Variants in EPHA3 observed in about 807,000 individuals in gnomAD.
The protein encoded by EPHA3 is EPH receptor A3.
EPHA3 carries 42 observed loss-of-function variants against 107.1 expected under a neutral mutation model. The observed-to-expected ratio is 0.39, with a 90% CI of 0.31 to 0.51. EPHA3 has a LOEUF of 0.51. Ranked by LOEUF, EPHA3 falls within the 20% of genes least tolerant of loss-of-function variation. The pLI is 0.78. For missense variants in EPHA3, 1,183 were observed against 1,211.2 expected, an observed-to-expected ratio of 0.98 and a Z score of 0.35; for synonymous variants, 461 against 424.8, an observed-to-expected ratio of 1.09 and a Z score of -1.05.
At chr3:89,327,607 C>T (rs1481800861) in intron 3 of EPHA3, among the ~76,000 whole-genome samples, 2 of 152,064 alleles carry the variant, frequency 1.3e-5, no homozygotes, top group African/African-American at 4.8e-5. Context: ...TTTGTAAATA[C>T]TTTATTTAAT....
At chr3:89,276,031 C>T (rs1255606678) in intron 3 of EPHA3, among the ~76,000 whole-genome samples, 2 of 151,830 alleles carry the variant, frequency 1.3e-5, no homozygotes, top group African/African-American at 2.4e-5. Flanking sequence ...AGGCATAGTA[C>T]GGGGGAGAAA....
At chr3:89,196,515 T>C (rs1284178316) in intron 2 of EPHA3, among the ~76,000 whole-genome samples, 2 of 148,132 alleles carry the variant, frequency 1.4e-5, no homozygotes, top group Non-Finnish European at 2.9e-5. Context: ...TAAATATGTG[T>C]TGAGTTAGTC....
At chr3:89,282,808 A>C (rs1047851573) in intron 3 of EPHA3, among the ~76,000 whole-genome samples, 1 of 152,074 alleles carries the variant, frequency 6.6e-6, no homozygotes, top group African/African-American at 2.4e-5. Context: ...CTGCACCAAA[A>C]CTGAAATGTG....
At chr3:89,212,303 C>A (rs540883709) in intron 3 of EPHA3, among the ~76,000 whole-genome samples, 2 of 152,038 alleles carry the variant, frequency 1.3e-5, no homozygotes, top group South Asian at 4.1e-4. Flanking sequence ...TCTGGGCAGA[C>A]TTGCTGGATT....
intron 11 of EPHA3, among the ~76,000 whole-genome samples, chr3:89,423,100 T>C (rs900995040): frequency 3.3e-5 from 5 of 151,592 alleles, no homozygotes; most frequent in South Asian, 2.1e-4. Context: ...ACACCTTCCA[T>C]TGGCCACTTT....
At chr3:89,469,410 G>T (rs1466272186) in intron 15 of EPHA3, among the ~76,000 whole-genome samples, 1 of 152,112 alleles carries the variant, frequency 6.6e-6, no homozygotes, top group East Asian at 1.9e-4. Flanking sequence ...TACGTTTCAT[G>T]CATCGCTGTA....
intron 3 of EPHA3, among the ~76,000 whole-genome samples, chr3:89,301,544 G>A (rs1706488733): frequency 6.6e-6 from 1 of 151,928 alleles, no homozygotes; most frequent in Non-Finnish European, 1.5e-5. Flanking sequence ...ACATATTTAA[G>A]TATTTTCACT....
At chr3:89,259,476 C>A (rs753457316) in intron 3 of EPHA3, among the ~76,000 whole-genome samples, 23 of 152,196 alleles carry the variant, frequency 1.5e-4, no homozygotes, top group Non-Finnish European at 2.4e-4. Context: ...ACTAACAAAT[C>A]TTGAAATGTC....
chr3:89,116,735 A>C (rs1357165310), intron 1 of EPHA3, among the ~76,000 whole-genome samples: 2 of 151,802 alleles, frequency 1.3e-5, no homozygotes, highest in African/African-American at 2.4e-5. Context: ...AAAAAAAAAA[A>C]AAAAAACTAA....
intron 15 of EPHA3, among the ~76,000 whole-genome samples, chr3:89,466,438 C>G (rs1306822501): frequency 8.2e-6 from 1 of 122,338 alleles, no homozygotes; most frequent in Admixed American, 8.0e-5. Context: ...GCCTCGTTGC[C>G]GCCTTGCAGT....
intron 1 of EPHA3, among the ~76,000 whole-genome samples, chr3:89,118,143 CA>C (rs1559739146): frequency 6.6e-6 from 1 of 151,880 alleles, no homozygotes; most frequent in East Asian, 1.9e-4. Flanking sequence ...TTCGATAACT[CA>C]AAAAGATAAA....
chr3:89,371,407 T>C (rs1708298164), intron 5 of EPHA3, among the ~76,000 whole-genome samples: 1 of 151,698 alleles, frequency 6.6e-6, no homozygotes, highest in Non-Finnish European at 1.5e-5. Flanking sequence ...TGTGCAGGAA[T>C]CTTTTCATTC....
At chr3:89,340,297 T>A (rs897176266) in intron 3 of EPHA3, among the ~76,000 whole-genome samples, 1 of 152,226 alleles carries the variant, frequency 6.6e-6, no homozygotes, top group African/African-American at 2.4e-5. Flanking sequence ...TATCCCTCTG[T>A]ATTTCAGATA....
chr3:89,152,043 A>G (rs1377962286), intron 2 of EPHA3, among the ~76,000 whole-genome samples: 1 of 152,068 alleles, frequency 6.6e-6, no homozygotes, highest in Non-Finnish European at 1.5e-5. Context: ...TGTTTTAATG[A>G]AGACTTCTGC....
chr3:89,280,801 A>G (rs1705927775), intron 3 of EPHA3, among the ~76,000 whole-genome samples: 1 of 152,132 alleles, frequency 6.6e-6, no homozygotes, highest in Non-Finnish European at 1.5e-5. Flanking sequence ...ATCTATGAGT[A>G]GGGTAGATTT....
chr3:89,456,360 T>C (rs1432291255), intron 15 of EPHA3, among the ~76,000 whole-genome samples: 4 of 152,190 alleles, frequency 2.6e-5, no homozygotes, highest in African/African-American at 9.7e-5. Context: ...CTGTAGTGTC[T>C]TTTAAGAAAA....
At position 89,431,256 on chromosome 3, in the gene EPHA3, C is replaced by T. The variant is rs1709563600; in HGVS notation, c.2243C>T (p.Ala748Val). ...SDMGYVHRDL[A>V]ARNILINSNL... is the part of the protein sequence containing the mutation. ...ATGGGCTATGTTCACCGAGACCTCGCTGCTCGGAACATCTTGATCAACAGT... is the reference window on the plus strand; with the variant it reads ...ATGGGCTATGTTCACCGAGACCTCGTTGCTCGGAACATCTTGATCAACAGT... Residue 748 changes from alanine to valine, a missense_variant, in exon 13 of 17, where the codon GCT becomes GTT. Coordinates refer to ENST00000336596, the MANE Select transcript of EPHA3 (RefSeq NM_005233.6). 1 of 1,613,874 alleles carries T rather than the reference C, an allele frequency of 6.2e-7. No homozygotes were observed. Among genetic ancestry groups the T allele is most frequent in the Non-Finnish European group, 8.5e-7 (1 of 1,179,948 alleles).
intron 5 of EPHA3, among the ~76,000 whole-genome samples, chr3:89,368,266 G>A (rs1407086193): frequency 6.7e-6 from 1 of 150,290 alleles, no homozygotes; most frequent in African/African-American, 2.4e-5. Flanking sequence ...AAGTGTTAGA[G>A]TACATTATTT....
At chr3:89,198,090 T>A (rs1705889050) in intron 2 of EPHA3, among the ~76,000 whole-genome samples, 1 of 152,190 alleles carries the variant, frequency 6.6e-6, no homozygotes, top group African/African-American at 2.4e-5. Context: ...TGGTCATAAT[T>A]GTTATAGCCT....
Sources: gnomAD v4.1 joint callset for allele counts (sites outside exome capture counted in the v4.1 genomes callset) on GRCh38, gnomAD v4.1.1 for gene constraint, MANE v1.5 for transcripts, NCBI Gene and HGNC (gene_info 2026-07-23, HGNC 2026-07-21) for gene names.